The following SLC24A2 variants were observed in gnomAD, a reference collection of about 807,000 sequenced individuals.
SLC24A2 encodes the protein solute carrier family 24 member 2, also known as sodium/potassium/calcium exchanger 2.
Under a neutral mutation model 62.0 loss-of-function variants are expected in SLC24A2, and 36 were observed. The observed-to-expected ratio is 0.58, with a 90% CI of 0.44 to 0.77. The LOEUF is 0.77. SLC24A2 is among the 30% of genes least tolerant of loss of function. The pLI is 0.00. For synonymous variants in SLC24A2, 358 were observed against 294.0 expected (o/e 1.22, Z -2.23); for missense variants, 846 against 817.9 (o/e 1.03, Z -0.42).
intron 5 of SLC24A2, among the ~76,000 whole-genome samples, chr9:19,592,262 A>G (rs1231824396): frequency 2.0e-5 from 3 of 152,244 alleles, no homozygotes; most frequent in Admixed American, 6.5e-5. Context: ...TTAATTATGG[A>G]AAAGGTCTTT....
the SLC24A2 span, among the ~76,000 whole-genome samples, chr9:19,907,518 G>C: frequency 6.6e-6 from 1 of 152,162 alleles, no homozygotes; most frequent in Non-Finnish European, 1.5e-5. Flanking sequence ...ATTCAAGTAG[G>C]AAAAGAGGAA....
chr9:20,180,234 C>T, the SLC24A2 span, among the ~76,000 whole-genome samples: 2,375 of 152,152 alleles, frequency 0.016, 66 homozygotes, highest in African/African-American at 0.055. Flanking sequence ...AATTGAGGGA[C>T]AAATTCACTA....
rs528823955 is a variant in SLC24A2, at chr9:19,599,785, G to A, written c.1079-2506C>T. Among the ~76,000 whole-genome samples the A allele has an allele frequency of 6.6e-6, 1 of 152,274 alleles. No individual in the cohort carries two copies. The highest frequency in any genetic ancestry group is 1.9e-4 in the East Asian group (1 of 5,186). ...GGTCCTACAGCCCATGATGCCTCCT[G>A]GAACGTACCCTTGCCCACTGTCTAT... is the stretch of plus-strand genomic sequence containing the variant. On this transcript the variant is annotated intron_variant, in intron 4 of 10. Transcript: ENST00000341998. This position sits in a 1 kb window ranked among gnomAD's most constrained non-coding sequence, Gnocchi z 4.5.
the SLC24A2 span, among the ~76,000 whole-genome samples, chr9:20,082,564 G>A: frequency 6.6e-6 from 1 of 152,302 alleles, no homozygotes; most frequent in Admixed American, 6.5e-5. Flanking sequence ...TTTTCTCTCT[G>A]CATGGCTGCT....
the SLC24A2 span, among the ~76,000 whole-genome samples, chr9:19,953,755 C>A: frequency 6.6e-6 from 1 of 152,028 alleles, no homozygotes; most frequent in East Asian, 1.9e-4. Flanking sequence ...AGGCACTGAA[C>A]AACTTTTAAA....
chr9:19,675,360 A>G (rs1450624319), intron 2 of SLC24A2, among the ~76,000 whole-genome samples: 1 of 152,106 alleles, frequency 6.6e-6, no homozygotes, highest in Non-Finnish European at 1.5e-5. Context: ...CAATTTCAAG[A>G]CAGTGTCAGC....
At chr9:20,307,874 GACT>G in the SLC24A2 span, among the ~76,000 whole-genome samples, 1 of 152,110 alleles carries the variant, frequency 6.6e-6, no homozygotes, top group East Asian at 1.9e-4. Flanking sequence ...CAATTGATTT[GACT>G]ACAAGATTTA....
At chr9:19,676,184 C>T (rs532582359) in intron 2 of SLC24A2, among the ~76,000 whole-genome samples, 2 of 152,298 alleles carry the variant, frequency 1.3e-5, no homozygotes, top group African/African-American at 4.8e-5. Context: ...GGATGATCCC[C>T]CTTTCACACT....
intron 7 of SLC24A2, among the ~76,000 whole-genome samples, chr9:19,562,258 T>C (rs1835441762): frequency 2.0e-5 from 3 of 152,222 alleles, no homozygotes; most frequent in African/African-American, 4.8e-5. Flanking sequence ...TCAAAAATCA[T>C]TTCATCTTAT....
At chr9:20,159,090 A>G in the SLC24A2 span, among the ~76,000 whole-genome samples, 1 of 151,796 alleles carries the variant, frequency 6.6e-6, no homozygotes, top group South Asian at 2.1e-4. Context: ...TTGCATTTTC[A>G]AGAAATTTAA....
chr9:20,226,787 C>T, the SLC24A2 span, among the ~76,000 whole-genome samples: 5 of 152,198 alleles, frequency 3.3e-5, no homozygotes, highest in African/African-American at 1.2e-4. Context: ...TGGGCCTCTG[C>T]AACTTGTGTA....
At chr9:20,151,172 A>T in the SLC24A2 span, among the ~76,000 whole-genome samples, 1 of 152,010 alleles carries the variant, frequency 6.6e-6, no homozygotes, top group Non-Finnish European at 1.5e-5. Flanking sequence ...AATGATTCAT[A>T]GAAGTCCACA....
At chr9:19,773,647 A>G (rs371868702) in intron 2 of SLC24A2, among the ~76,000 whole-genome samples, 92 of 152,320 alleles carry the variant, frequency 6.0e-4, no homozygotes, top group African/African-American at 2.2e-3. Flanking sequence ...TTGGCCTTCT[A>G]CCTATGACAC....
chr9:20,181,120 A>G, the SLC24A2 span, among the ~76,000 whole-genome samples: 1 of 152,106 alleles, frequency 6.6e-6, no homozygotes. Context: ...TGGAGCCCAG[A>G]TTGTTAGGGA....
the SLC24A2 span, among the ~76,000 whole-genome samples, chr9:19,990,863 A>AT: frequency 6.9e-6 from 1 of 143,912 alleles, no homozygotes; most frequent in Non-Finnish European, 1.5e-5. Flanking sequence ...AAAAAAAAAA[A>AT]ATAGTATCAA....
chr9:20,140,813 TCTG>T, the SLC24A2 span, among the ~76,000 whole-genome samples: 1 of 152,136 alleles, frequency 6.6e-6, no homozygotes. Flanking sequence ...ACTGTGTGAG[TCTG>T]CTGCTAACTT....
At chr9:19,882,229 A>G in the SLC24A2 span, among the ~76,000 whole-genome samples, 1 of 148,042 alleles carries the variant, frequency 6.8e-6, no homozygotes, top group Non-Finnish European at 1.5e-5. Context: ...TAAAGTGCCC[A>G]CCTCACCACA....
the SLC24A2 span, among the ~76,000 whole-genome samples, chr9:20,095,356 A>G: frequency 6.1e-3 from 934 of 152,336 alleles, 8 homozygotes; most frequent in African/African-American, 0.02. Context: ...CAGGGTGCCT[A>G]GATATTTGGT....
the SLC24A2 span, among the ~76,000 whole-genome samples, chr9:20,009,155 C>A: frequency 6.6e-6 from 1 of 152,146 alleles, no homozygotes; most frequent in Non-Finnish European, 1.5e-5. Flanking sequence ...GCCTCCCCAC[C>A]ATTCTGGGAC....
Sources: allele counts gnomAD v4.1 joint callset (sites outside exome capture counted in the v4.1 genomes callset), GRCh38; gene constraint gnomAD v4.1.1; non-coding constraint Gnocchi (gnomAD v3.1); transcripts MANE v1.5; gene names NCBI Gene and HGNC (gene_info 2026-07-23, HGNC 2026-07-21).